Variants in SNX6 observed in about 807,000 individuals in gnomAD.
SNX6 encodes sorting nexin-6.
A neutral mutation model predicts 63.0 loss-of-function variants in SNX6; 34 were observed. The ratio of observed to expected loss-of-function variants is 0.54; its 90% CI spans 0.41 to 0.72. The LOEUF (loss-of-function observed/expected upper bound fraction) is 0.72, where lower values mean the gene tolerates loss of function less well. Among genes scored for constraint, SNX6 ranks in the 30% least tolerant of loss-of-function variants. The pLI is 0.00. For synonymous variants in SNX6, 170 were observed against 164.2 expected, an observed-to-expected ratio of 1.04 and a Z score of -0.27; for missense variants, 398 against 471.4, an observed-to-expected ratio of 0.84 and a Z score of 1.44.
chr14:34,568,008 G>C lies in SNX6; in HGVS notation c.927C>G (p.Leu309=). The C allele has an allele frequency of 6.2e-7, 1 of 1,610,726 alleles. No homozygotes were observed. Among genetic ancestry groups the C allele is most frequent in the Non-Finnish European group, 8.5e-7 (1 of 1,179,614 alleles). ...CTAGTGACCTAGACCTTCGATACAG[G>C]AGATCCTATAAAACAGAATGCTTCA... is the stretch of plus-strand genomic sequence containing the variant. ...YLRESQAAKD[L]LYRRSRSLVD... Residue 309 remains leucine (L), a synonymous_variant, in exon 12 of 14, where the codon CTC becomes CTG. Transcript: ENST00000362031.
chr14:34,597,296 C>G (rs1462667037), intron 7 of SNX6, among the ~76,000 whole-genome samples: 1 of 152,182 alleles, frequency 6.6e-6, no homozygotes, highest in Non-Finnish European at 1.5e-5. Flanking sequence ...AACCTGGAAC[C>G]TGGTCTGATG....
chr14:34,598,444 T>C (rs973393168), intron 6 of SNX6, among the ~76,000 whole-genome samples: 2 of 152,190 alleles, frequency 1.3e-5, no homozygotes, highest in African/African-American at 4.8e-5. Context: ...AAGGCTGAAG[T>C]GCAGTGGCGT....
chr14:34,603,156 T>C (rs913068202), intron 6 of SNX6, among the ~76,000 whole-genome samples, 192 bp downstream of exon 6: 1 of 151,050 alleles, frequency 6.6e-6, no homozygotes, highest in Non-Finnish European at 1.5e-5. Flanking sequence ...CAGGCGCCTG[T>C]AGTCCCAGCT....
chr14:34,593,577 T>C (rs1851134516), intron 7 of SNX6, among the ~76,000 whole-genome samples: 1 of 148,632 alleles, frequency 6.7e-6, no homozygotes, highest in Admixed American at 6.7e-5. Flanking sequence ...TTCTTTTCTT[T>C]TTTTTTTTTT....
In SNX6 at chr14:34,574,619, CAAAA is replaced by C. The variant is rs33959613; in HGVS notation, c.921+1133_921+1136del. ...TGGGTGACAGAGTGAGACTCCATCTCAAAAAAAAAAAAAAAAAAAAAAAGAAAGA... is the reference window on the plus strand; with the variant it reads ...TGGGTGACAGAGTGAGACTCCATCTCAAAAAAAAAAAAAAAAAAAGAAAGA... On this transcript the variant is annotated intron_variant, in intron 11 of 13. Transcript: ENST00000362031. Among the ~76,000 whole-genome samples the C allele has an allele frequency of 1.0e-4, 8 of 79,432 alleles. 1 individual carries two copies. Among genetic ancestry groups the C allele is most frequent in the Admixed American group, 6.2e-4 (4 of 6,490 alleles). 52.1% of individuals were successfully genotyped at this position (79,432 alleles called of 152,430 possible). A position where few individuals can be genotyped will look rare whatever the true frequency, so the allele number is the denominator to read the frequency against.
At chr14:34,574,952 C>G (rs371386445) in intron 11 of SNX6, among the ~76,000 whole-genome samples, 4 of 151,662 alleles carry the variant, frequency 2.6e-5, no homozygotes, top group African/African-American at 9.6e-5. Context: ...AGTGCAATGG[C>G]GTGATATCTG....
chr14:34,571,741 A>G (rs1881461759), intron 11 of SNX6, among the ~76,000 whole-genome samples: 1 of 152,178 alleles, frequency 6.6e-6, no homozygotes, highest in African/African-American at 2.4e-5. Flanking sequence ...ATTCCATTGT[A>G]TGGCTATATA....
At chr14:34,568,639 T>G (rs1477906270) in intron 11 of SNX6, 35 of 757,046 alleles carry the variant, frequency 4.6e-5, no homozygotes, top group South Asian at 3.3e-4. Context: ...AGCCTGTTTT[T>G]TTTTTTTTTT....
At chr14:34,597,786 T>A in intron 6 of SNX6, 141 bp from the exon 7 acceptor site, 1 of 580,726 alleles carries the variant, frequency 1.7e-6, no homozygotes. Flanking sequence ...TGCACATCAA[T>A]GATTTTCAAA....
At chr14:34,600,501 C>T (rs967388361) in intron 6 of SNX6, among the ~76,000 whole-genome samples, 2 of 151,480 alleles carry the variant, frequency 1.3e-5, no homozygotes, top group African/African-American at 4.9e-5. Flanking sequence ...TGGTCTCGAA[C>T]TCCTTGGCTC....
At chr14:34,588,039 ACT>A (rs1285408607) in intron 8 of SNX6, among the ~76,000 whole-genome samples, 2 of 145,418 alleles carry the variant, frequency 1.4e-5, no homozygotes, top group African/African-American at 2.6e-5. Flanking sequence ...ACAGAGTCTC[ACT>A]CTGTCACCCA....
intron 2 of SNX6, among the ~76,000 whole-genome samples, chr14:34,620,537 T>C (rs957494048): frequency 1.3e-5 from 2 of 152,154 alleles, no homozygotes; most frequent in African/African-American, 4.8e-5. Flanking sequence ...AAACCAATGA[T>C]ATTTTTCAGT....
rs1455162144 is a variant in SNX6, at chr14:34,605,727, G to C, written c.271-10C>G. ...GTGGTGCTGGTGGAATCTGTAACAG[G>C]ACCAAATGACTAATTTTAAGGAAAT... is the stretch of plus-strand genomic sequence containing the variant. On this transcript the variant is annotated splice_polypyrimidine_tract_variant and intron_variant, in intron 4 of 13. Transcript: ENST00000362031. 6.3e-7 allele frequency: 1 copy of C among 1,584,200 alleles called. No individual in the cohort carries two copies. The highest frequency in any genetic ancestry group is 1.4e-5 in the African/African-American group (1 of 72,500).
intron 2 of SNX6, among the ~76,000 whole-genome samples, chr14:34,626,907 G>A (rs1273250940): frequency 6.6e-6 from 1 of 152,056 alleles, no homozygotes; most frequent in Non-Finnish European, 1.5e-5. Context: ...TTATCTAAAG[G>A]TCATATGCTT....
chr14:34,592,380 G>A (rs186233599), intron 8 of SNX6, among the ~76,000 whole-genome samples: 236 of 151,714 alleles, frequency 1.6e-3, no homozygotes, highest in Middle Eastern at 3.4e-3. Context: ...TAGAGACTCT[G>A]TCTCAAAGAA....
chr14:34,629,338 A>G, intron 2 of SNX6: 1 of 356,148 alleles, frequency 2.8e-6, no homozygotes, highest in South Asian at 2.1e-5. Context: ...GATTTGTTGG[A>G]TATTAGAAAA....
chr14:34,629,925 G>C lies in SNX6; in HGVS notation c.36C>G (p.Leu12=). The change falls in exon 2 of 14, where the codon CTC becomes CTG. Residue 12 remains leucine (L), a synonymous_variant. Transcript: ENST00000362031. ...AACTTACTCCGCGGTCCTCTTCTGA[G>C]AGGAAGTCCGGGCCGTCGTCCAGGC... ...MEGLDDGPDF[L]SEEDRGLKAI... is the part of the protein sequence containing the mutation. The C allele has an allele frequency of 1.9e-6, 3 of 1,552,630 alleles. No homozygotes were observed. Among genetic ancestry groups the C allele is most frequent in the Admixed American group, 2.0e-5 (1 of 49,168 alleles).
chr14:34,622,247 C>G (rs1426863258), intron 2 of SNX6, among the ~76,000 whole-genome samples: 1 of 150,492 alleles, frequency 6.6e-6, no homozygotes, highest in Non-Finnish European at 1.5e-5. Context: ...TAGGCATGAG[C>G]CACTGCACCC....
chr14:34,609,480 CAAAAAAA>C (rs398024759), intron 3 of SNX6, among the ~76,000 whole-genome samples, 151 bp downstream of exon 3: 3 of 65,038 alleles, frequency 4.6e-5, no homozygotes, highest in Admixed American at 4.7e-4. Context: ...GACTCCGTCT[CAAAAAAA>C]AAAAAAAAAA....
Sources: gnomAD v4.1 joint callset for allele counts (sites outside exome capture counted in the v4.1 genomes callset) on GRCh38, gnomAD v4.1.1 for gene constraint, MANE v1.5 for transcripts, NCBI Gene and HGNC (gene_info 2026-07-23, HGNC 2026-07-21) for gene names.